Variants in ARHGAP24 observed in about 807,000 individuals in gnomAD.
ARHGAP24 encodes the protein rho GTPase-activating protein 24.
In ARHGAP24, 50 loss-of-function variants were observed where a neutral mutation model predicts 76.4. That is an observed-to-expected ratio of 0.65 (90% CI 0.52 to 0.83). The LOEUF (loss-of-function observed/expected upper bound fraction) is 0.83. ARHGAP24 is among the 40% of genes least tolerant of loss of function. The pLI is 0.00. For missense variants in ARHGAP24, 930 were observed against 914.2 expected, an observed-to-expected ratio of 1.02 and a Z score of -0.22; for synonymous variants, 345 against 323.3, an observed-to-expected ratio of 1.07 and a Z score of -0.72.
At chr4:85,755,714 C>A (rs1726466485) in intron 3 of ARHGAP24, among the ~76,000 whole-genome samples, 1 of 148,036 alleles carries the variant, frequency 6.8e-6, no homozygotes, top group South Asian at 2.2e-4. Context: ...CTCACTACAA[C>A]CTCTGCCTCC....
intron 4 of ARHGAP24, among the ~76,000 whole-genome samples, chr4:85,931,842 C>T (rs1736352470): frequency 6.6e-6 from 1 of 152,042 alleles, no homozygotes; most frequent in Non-Finnish European, 1.5e-5. Flanking sequence ...TAAGTAGAAA[C>T]TAAGTAATTA....
At chr4:85,984,973 G>A (rs183376429) in intron 8 of ARHGAP24, among the ~76,000 whole-genome samples, 1 of 151,776 alleles carries the variant, frequency 6.6e-6, no homozygotes, top group Non-Finnish European at 1.5e-5. Flanking sequence ...AGGCACCTGC[G>A]ACCACACCCA....
At chr4:85,930,591 C>A in intron 4 of ARHGAP24, 2 of 1,041,850 alleles carry the variant, frequency 1.9e-6, no homozygotes, top group Non-Finnish European at 2.3e-6. Flanking sequence ...ATGCAAAAAC[C>A]AATTCCTGCT....
chr4:85,550,858 A>G (rs1726105679), intron 1 of ARHGAP24, among the ~76,000 whole-genome samples: 1 of 151,970 alleles, frequency 6.6e-6, no homozygotes, highest in African/African-American at 2.4e-5. Context: ...CTTAAATGTT[A>G]TATAGGAATG....
At chr4:85,802,562 C>G (rs897855547) in intron 3 of ARHGAP24, among the ~76,000 whole-genome samples, 1 of 152,160 alleles carries the variant, frequency 6.6e-6, no homozygotes, top group South Asian at 2.1e-4. Context: ...GAGACCAAGG[C>G]GGGTGGATCA....
At chr4:85,751,669 C>T (rs1726270563) in intron 3 of ARHGAP24, among the ~76,000 whole-genome samples, 1 of 152,154 alleles carries the variant, frequency 6.6e-6, no homozygotes, top group South Asian at 2.1e-4. Context: ...GTAAACACTA[C>T]AAAAGCATGG....
intron 1 of ARHGAP24, among the ~76,000 whole-genome samples, chr4:85,517,886 G>GA (rs1254289833): frequency 6.6e-6 from 1 of 152,074 alleles, no homozygotes; most frequent in Admixed American, 6.6e-5. Context: ...AACGTAAGAA[G>GA]AATTCTAACT....
intron 2 of ARHGAP24, among the ~76,000 whole-genome samples, chr4:85,575,005 G>A (rs923169204): frequency 6.6e-6 from 1 of 152,152 alleles, no homozygotes; most frequent in African/African-American, 2.4e-5. Flanking sequence ...GACAGTACCT[G>A]ATTTGTAAAC....
chr4:85,956,790 G>A (rs1278840480), intron 5 of ARHGAP24, among the ~76,000 whole-genome samples: 1 of 152,168 alleles, frequency 6.6e-6, no homozygotes, highest in Non-Finnish European at 1.5e-5. Context: ...GTCAGCGGCA[G>A]GCAGCAAAAA....
intron 2 of ARHGAP24, among the ~76,000 whole-genome samples, chr4:85,620,342 C>A (rs1293264856): frequency 1.3e-5 from 2 of 151,766 alleles, no homozygotes; most frequent in Non-Finnish European, 2.9e-5. Flanking sequence ...CATTATTGAT[C>A]TGTTCAGCTT....
intron 2 of ARHGAP24, among the ~76,000 whole-genome samples, chr4:85,682,195 C>G (rs181205757): frequency 6.6e-6 from 1 of 152,100 alleles, no homozygotes; most frequent in South Asian, 2.1e-4. Flanking sequence ...ACTGCCATTG[C>G]GTTAAAAACA....
At chr4:85,903,365 C>A (rs1253669266) in intron 3 of ARHGAP24, among the ~76,000 whole-genome samples, 1 of 152,068 alleles carries the variant, frequency 6.6e-6, no homozygotes, top group Non-Finnish European at 1.5e-5. Flanking sequence ...TAAAGCTGAG[C>A]TTTTAGTTTT....
chr4:85,516,888 T>C (rs1026346301), intron 1 of ARHGAP24, among the ~76,000 whole-genome samples: 3 of 152,176 alleles, frequency 2.0e-5, no homozygotes, highest in Non-Finnish European at 4.4e-5. Context: ...CTCCTGCTAA[T>C]ACTTTTATGA....
intron 3 of ARHGAP24, among the ~76,000 whole-genome samples, chr4:85,782,434 C>A (rs1727608522): frequency 6.6e-6 from 1 of 152,154 alleles, no homozygotes. Flanking sequence ...GAAAAGGAAA[C>A]AACCATTTAA....
At chr4:85,588,537 G>A (rs1727957466) in intron 2 of ARHGAP24, among the ~76,000 whole-genome samples, 1 of 152,076 alleles carries the variant, frequency 6.6e-6, no homozygotes, top group Non-Finnish European at 1.5e-5. Context: ...TGAGTCCAGG[G>A]ACCCTCTCAT....
intron 7 of ARHGAP24, among the ~76,000 whole-genome samples, chr4:85,977,010 A>T (rs973121541): frequency 6.6e-6 from 1 of 151,618 alleles, no homozygotes; most frequent in African/African-American, 2.4e-5. Flanking sequence ...CTGGTCTCAA[A>T]CTCCTGACCT....
intron 1 of ARHGAP24, among the ~76,000 whole-genome samples, chr4:85,478,839 A>G (rs1337257440): frequency 1.3e-5 from 2 of 152,214 alleles, no homozygotes; most frequent in Non-Finnish European, 2.9e-5. Flanking sequence ...TTCCGTGAAG[A>G]ATTAATCATT....
intron 2 of ARHGAP24, among the ~76,000 whole-genome samples, chr4:85,572,881 T>TG (rs1214933675): frequency 6.9e-6 from 1 of 144,756 alleles, no homozygotes; most frequent in African/African-American, 2.6e-5. Flanking sequence ...TTTCTTTTTT[T>TG]TTTTTTTTTT....
chr4:85,613,408 G>A (rs1345975603), intron 2 of ARHGAP24, among the ~76,000 whole-genome samples: 5 of 152,152 alleles, frequency 3.3e-5, no homozygotes, highest in African/African-American at 1.2e-4. Flanking sequence ...CCTATTAGGT[G>A]TCAGACATTA....
Sources: allele counts gnomAD v4.1 joint callset (sites outside exome capture counted in the v4.1 genomes callset), GRCh38; gene constraint gnomAD v4.1.1; transcripts MANE v1.5; gene names NCBI Gene and HGNC (gene_info 2026-07-23, HGNC 2026-07-21).